The following GRPEL2 variants were observed in gnomAD, a reference collection of about 807,000 sequenced individuals.
GRPEL2 encodes the protein GrpE like 2, mitochondrial, also known as grpE protein homolog 2, mitochondrial.
GRPEL2 carries 18 observed loss-of-function variants against 25.9 expected under a neutral mutation model. That is an observed-to-expected ratio of 0.70 (90% confidence interval 0.48 to 1.03). GRPEL2 has a LOEUF of 1.03. GRPEL2 is among the 50% of genes least tolerant of loss of function. GRPEL2 has a pLI of 0.00. For missense variants in GRPEL2, 247 were observed against 276.2 expected (o/e 0.89, Z 0.75); for synonymous variants, 106 against 107.9 (o/e 0.98, Z 0.11).
chr5:149,346,900 G>A (rs1318434895), intron 1 of GRPEL2, among the ~76,000 whole-genome samples: 3 of 151,812 alleles, frequency 2.0e-5, no homozygotes, highest in Non-Finnish European at 4.4e-5. Context: ...ACTACGCCCA[G>A]CTAATTTTTT....
At chr5:149,349,288 G>A (rs1757738614) in intron 2 of GRPEL2, among the ~76,000 whole-genome samples, 1 of 152,188 alleles carries the variant, frequency 6.6e-6, no homozygotes, top group Non-Finnish European at 1.5e-5. Flanking sequence ...GAGCCACCGT[G>A]CCCTGCCTAG....
In GRPEL2 at chr5:149,345,633, G is replaced by C. The variant is rs761813235; in HGVS notation, c.77+17G>C. The C allele has an allele frequency of 1.1e-4, 170 of 1,595,550 alleles. No homozygotes were observed. The Middle Eastern group carries it at 1.6e-3, about 15-fold the overall frequency. Reference sequence around the variant, plus strand: ...GGAGAGCAAGTAAGCATTGCAGGCGGGGAGTCGGGAGCGTGAGGACTCTGA... The same window carrying C: ...GGAGAGCAAGTAAGCATTGCAGGCGCGGAGTCGGGAGCGTGAGGACTCTGA... On this transcript the variant is annotated intron_variant, in intron 1 of 3. Coordinates refer to ENST00000329271, the MANE Select transcript of GRPEL2 (RefSeq NM_152407.4).
At chr5:149,348,529 C>CT (rs1296880503) in intron 2 of GRPEL2, 104 bp downstream of exon 2, 1 of 903,410 alleles carries the variant, frequency 1.1e-6, no homozygotes, top group African/African-American at 1.7e-5. Flanking sequence ...TTAATTGGCT[C>CT]TTTATCTGCT....
chr5:149,349,502 A>AT, intron 2 of GRPEL2, 152 bp from the exon 3 acceptor site: 1 of 606,898 alleles, frequency 1.6e-6, no homozygotes, highest in Non-Finnish European at 2.9e-6. Context: ...TTGACTGGGG[A>AT]TTTGGAGTAG....
rs1328415011 is a variant in GRPEL2 at position 149,349,749 on chromosome 5, T to G, written c.313+14T>G. 15 of 1,602,494 alleles carry G rather than the reference T, an allele frequency of 9.4e-6. No individual in the cohort carries two copies. Among genetic ancestry groups the G allele is most frequent in the African/African-American group, 1.3e-5 (1 of 74,682 alleles). On this transcript the variant is annotated intron_variant, in intron 3 of 3. Coordinates refer to ENST00000329271, the MANE Select transcript of GRPEL2 (RefSeq NM_152407.4). Reference sequence around the variant, plus strand: ...CCAAGATATTTGGTGAGAGATTTATTTACAATAAAAATGTCTTTGGTTGGG... The same window carrying G: ...CCAAGATATTTGGTGAGAGATTTATGTACAATAAAAATGTCTTTGGTTGGG...
At chr5:149,346,901 CT>C in intron 1 of GRPEL2, among the ~76,000 whole-genome samples, 1 of 151,948 alleles carries the variant, frequency 6.6e-6, no homozygotes, top group African/African-American at 2.4e-5. Context: ...CTACGCCCAG[CT>C]AATTTTTTGT....
chr5:149,352,956 G>A lies in GRPEL2; in HGVS notation c.*1674G>A, dbSNP rs1046537939. ...AGCAGACAATCAGATGTTGTTGGATGTCTAGATTATATAGGTTTAGGTTGA... is the reference window on the plus strand; with the variant it reads ...AGCAGACAATCAGATGTTGTTGGATATCTAGATTATATAGGTTTAGGTTGA... On this transcript the variant is annotated 3_prime_UTR_variant, in exon 4 of 4. Coordinates refer to ENST00000329271, the MANE Select transcript of GRPEL2 (RefSeq NM_152407.4). 6.6e-6 allele frequency: 1 copy of A among 152,356 alleles called. No homozygotes were observed. Among genetic ancestry groups the A allele is most frequent in the African/African-American group, 2.4e-5 (1 of 41,418 alleles). 9.4% of individuals were successfully genotyped at this position (152,356 alleles called of 1,614,324 possible).
At chr5:149,350,790 G>C in intron 3 of GRPEL2, 128 bp from the exon 4 acceptor site, 1 of 920,620 alleles carries the variant, frequency 1.1e-6, no homozygotes, top group South Asian at 1.6e-5. Flanking sequence ...TCTGAGTCCT[G>C]TGTGGCAACC....
At chr5:149,346,039 T>C (rs1261022188) in intron 1 of GRPEL2, among the ~76,000 whole-genome samples, 7 of 152,226 alleles carry the variant, frequency 4.6e-5, no homozygotes, top group Non-Finnish European at 1.0e-4. Context: ...GCCGCTGAAC[T>C]TGTTTCTCCA....
At position 149,351,834 on chromosome 5, in the gene GRPEL2, T is replaced by G. The variant is rs571568615; in HGVS notation, c.*552T>G. ...AATCCCAACTAGATAGGCTTTATGC[T>G]CACATCATTGTCCCATACCCACCCC... On this transcript the variant is annotated 3_prime_UTR_variant, in exon 4 of 4. Coordinates refer to ENST00000329271, the MANE Select transcript of GRPEL2 (RefSeq NM_152407.4). The G allele has an allele frequency of 6.5e-6, 1 of 154,506 alleles. No individual in the cohort carries two copies. Among genetic ancestry groups the G allele is most frequent in the Non-Finnish European group, 1.4e-5 (1 of 69,402 alleles). 9.6% of individuals were successfully genotyped at this position (154,506 alleles called of 1,614,324 possible). A position where few individuals can be genotyped will look rare whatever the true frequency, so the allele number is the denominator to read the frequency against.
Position 149,351,229 on chromosome 5 carries a change from A to T in GRPEL2, c.625A>T (p.Thr209Ser), listed in dbSNP as rs1349539878. 1.9e-6 allele frequency: 3 copies of T among 1,613,730 alleles called. No individual in the cohort carries two copies. The highest frequency in any genetic ancestry group is 2.5e-6 in the Non-Finnish European group (3 of 1,179,666). ...AGATGGCTACAAACTTCATGGCCGC[A>T]CCATTAGGCTTGCCCGAGTGGAAGT... is the stretch of plus-strand genomic sequence containing the variant. ...RQDGYKLHGR[T>S]IRLARVEVAV... Residue 209 changes from threonine (T) to serine (S), a missense_variant, in exon 4 of 4, where the codon ACC (threonine) becomes TCC (serine). Around this residue, in one of 2 missense-constraint regions of GRPEL2, gnomAD observed 122 missense variants for 169.2 expected, o/e 0.72. Coordinates refer to ENST00000329271, the MANE Select transcript of GRPEL2 (RefSeq NM_152407.4).
At chr5:149,348,639 G>A (rs905848429) in intron 2 of GRPEL2, among the ~76,000 whole-genome samples, 1 of 152,156 alleles carries the variant, frequency 6.6e-6, no homozygotes, top group African/African-American at 2.4e-5. Context: ...TCTCTTTTCG[G>A]TTTCCTGTTA....
At chr5:149,347,479 G>A (rs1336859623) in intron 1 of GRPEL2, among the ~76,000 whole-genome samples, 8 of 152,190 alleles carry the variant, frequency 5.3e-5, no homozygotes, top group Non-Finnish European at 1.2e-4. Flanking sequence ...ACTGGGCCAG[G>A]TCAGGACTGC....
At chr5:149,345,759 C>G (rs1041456334) in intron 1 of GRPEL2, 143 bp downstream of exon 1, 2 of 662,422 alleles carry the variant, frequency 3.0e-6, no homozygotes, top group Admixed American at 2.9e-5. Context: ...ACCGTGCACT[C>G]ACGGCCCCAT....
At position 149,345,615 on chromosome 5, in the gene GRPEL2, A is replaced by C; in HGVS notation, c.76A>C (p.Lys26Gln). ...GGCCTGGAGTGCCGCGTGGGAGAGC[A>C]AGTAAGCATTGCAGGCGGGGAGTCG... ...LLAWSAAWESKGWPLPFSTAT... is the reference protein window; with the variant it reads ...LLAWSAAWESQGWPLPFSTAT... The change falls in exon 1 of 4, where the codon AAG becomes CAG. Residue 26 changes from lysine to glutamine, a missense_variant and splice_region_variant. This residue lies in a region of GRPEL2 where 125 missense variants were observed against 107.0 expected (regional missense o/e 1.17). Coordinates refer to ENST00000329271, the MANE Select transcript of GRPEL2 (RefSeq NM_152407.4). 1 of 1,609,114 alleles carries C rather than the reference A, an allele frequency of 6.2e-7. No homozygotes were observed. Among genetic ancestry groups the C allele is most frequent in the Middle Eastern group, 1.8e-4 (1 of 5,554 alleles).
At chr5:149,345,700 G>A in intron 1 of GRPEL2, 84 bp downstream of exon 1, 2 of 1,173,784 alleles carry the variant, frequency 1.7e-6, no homozygotes, top group Non-Finnish European at 2.5e-6. Flanking sequence ...GCTGGAAGGC[G>A]AGAGCTATCT....
chr5:149,350,585 C>A (rs1314233555), intron 3 of GRPEL2, among the ~76,000 whole-genome samples: 1 of 152,196 alleles, frequency 6.6e-6, no homozygotes, highest in Non-Finnish European at 1.5e-5. Context: ...CATAATACTA[C>A]AAGCAAATAG....
In GRPEL2 at chr5:149,350,997, G is replaced by T. The variant is rs374985585; in HGVS notation, c.393G>T (p.Ser131=). ...CTACAGAGTGCATTTCTGAAGAATC[G>T]GAGCCTGAGGACCAAAAGCTCACTC... is the stretch of plus-strand genomic sequence containing the variant. The part of the protein sequence containing the change: ...EKTTECISEE[S]EPEDQKLTLE... The change falls in exon 4 of 4, where the codon TCG becomes TCT. Residue 131 remains serine (S), a synonymous_variant. Coordinates refer to ENST00000329271, the MANE Select transcript of GRPEL2 (RefSeq NM_152407.4). 6.2e-7 allele frequency: 1 copy of T among 1,614,066 alleles called. No individual in the cohort carries two copies. Among genetic ancestry groups the T allele is most frequent in the African/African-American group, 1.3e-5 (1 of 74,928 alleles).
chr5:149,352,490 T>C lies in GRPEL2; in HGVS notation c.*1208T>C, dbSNP rs577484634. The C allele has an allele frequency of 3.9e-5, 6 of 152,224 alleles. No individual in the cohort carries two copies. Among genetic ancestry groups the C allele is most frequent in the South Asian group, 4.1e-4 (2 of 4,824 alleles). 9.4% of individuals were successfully genotyped at this position (152,224 alleles called of 1,614,324 possible). A position where few individuals can be genotyped will look rare whatever the true frequency, so the allele number is the denominator to read the frequency against. The stretch of plus-strand genomic sequence containing the variant: ...CTCACAAATCACTACCTCTGTTATA[T>C]TGACAAGCTCTATTTCCTATTCTTT... On this transcript the variant is annotated 3_prime_UTR_variant, in exon 4 of 4. Coordinates refer to ENST00000329271, the MANE Select transcript of GRPEL2 (RefSeq NM_152407.4).
Sources: gnomAD v4.1 joint callset for allele counts (sites outside exome capture counted in the v4.1 genomes callset) on GRCh38, gnomAD v4.1.1 for gene constraint, gnomAD v4.1.1 regional missense constraint, MANE v1.5 for transcripts, NCBI Gene and HGNC (gene_info 2026-07-23, HGNC 2026-07-21) for gene names.